Variants in PLCB1 observed in about 807,000 individuals in gnomAD.
PLCB1 encodes phospholipase C beta 1.
PLCB1 carries 46 observed loss-of-function variants against 161.8 expected under a neutral mutation model. The ratio of observed to expected loss-of-function variants is 0.28; its 90% CI spans 0.22 to 0.36. PLCB1 has a LOEUF of 0.36. PLCB1 is among the 10% of genes least tolerant of loss of function. The pLI is 1.00. For synonymous variants in PLCB1, 517 were observed against 503.7 expected, an observed-to-expected ratio of 1.03 and a Z score of -0.35; for missense variants, 1,016 against 1,472.5, an observed-to-expected ratio of 0.69 and a Z score of 5.07.
chr20:8,193,265 TC>T (rs1306746304), intron 2 of PLCB1, among the ~76,000 whole-genome samples: 2 of 152,016 alleles, frequency 1.3e-5, no homozygotes, highest in Admixed American at 1.3e-4. Context: ...AAGTCCAGCT[TC>T]TGTAATGTAT....
chr20:8,682,107 G>A (rs941421564), intron 9 of PLCB1, among the ~76,000 whole-genome samples: 1 of 152,142 alleles, frequency 6.6e-6, no homozygotes, highest in Non-Finnish European at 1.5e-5. Flanking sequence ...TCGTATGGTA[G>A]ATGTTCAATA....
At chr20:8,290,044 TA>T (rs1983314410) in intron 2 of PLCB1, among the ~76,000 whole-genome samples, 1 of 152,240 alleles carries the variant, frequency 6.6e-6, no homozygotes, top group South Asian at 2.1e-4. Context: ...TCCTTGGGTC[TA>T]ATTAATTTTT....
At chr20:8,444,879 T>C (rs1460053958) in intron 3 of PLCB1, among the ~76,000 whole-genome samples, 1 of 152,074 alleles carries the variant, frequency 6.6e-6, no homozygotes, top group East Asian at 1.9e-4. Context: ...ATCCTTTGCC[T>C]ACTTTTTGAT....
intron 1 of PLCB1, among the ~76,000 whole-genome samples, chr20:8,146,858 TA>T (rs1475540359): frequency 6.6e-6 from 1 of 152,218 alleles, no homozygotes; most frequent in Non-Finnish European, 1.5e-5. Flanking sequence ...TTATATCAAA[TA>T]AAGAGCAGCA....
chr20:8,291,551 G>A (rs1037038792), intron 2 of PLCB1, among the ~76,000 whole-genome samples: 2 of 152,150 alleles, frequency 1.3e-5, no homozygotes, highest in African/African-American at 4.8e-5. Context: ...CAGACAACGA[G>A]GATGATTTCA....
chr20:8,863,215 G>T lies in PLCB1; in HGVS notation c.3424-18407G>T, dbSNP rs1323005113. On this transcript the variant is annotated intron_variant, in intron 31 of 31. Coordinates refer to ENST00000338037, the MANE Select transcript of PLCB1 (RefSeq NM_015192.4). Reference sequence around the variant, plus strand: ...CAATCATTAGCTTCAAATTGGATGAGAAGTTCGCCAAGATTATAATGCTAG... The same window carrying T: ...CAATCATTAGCTTCAAATTGGATGATAAGTTCGCCAAGATTATAATGCTAG... Among the ~76,000 whole-genome samples, 3 of 152,164 alleles carry T rather than the reference G, an allele frequency of 2.0e-5. No individual in the cohort carries two copies. In the South Asian group the frequency reaches 6.2e-4, roughly 32 times the overall value.
intron 3 of PLCB1, among the ~76,000 whole-genome samples, chr20:8,454,398 A>C (rs1274548380): frequency 6.6e-6 from 1 of 152,190 alleles, no homozygotes; most frequent in East Asian, 1.9e-4. Context: ...TGTGTTTTTA[A>C]AAGATCAAAC....
intron 31 of PLCB1, among the ~76,000 whole-genome samples, chr20:8,801,552 A>G (rs898147784): frequency 6.6e-6 from 1 of 152,306 alleles, no homozygotes; most frequent in South Asian, 2.1e-4. Context: ...ATCGCCTGCC[A>G]TATAGCTGGT....
chr20:8,362,235 A>G (rs759553881), intron 2 of PLCB1, among the ~76,000 whole-genome samples: 1 of 152,192 alleles, frequency 6.6e-6, no homozygotes, highest in Admixed American at 6.5e-5. Context: ...ATATATATAG[A>G]TTATCCATGG....
At chr20:8,471,231 C>T (rs1454705031) in intron 3 of PLCB1, among the ~76,000 whole-genome samples, 2 of 152,046 alleles carry the variant, frequency 1.3e-5, no homozygotes, top group Non-Finnish European at 1.5e-5. Context: ...GCTCAATAAA[C>T]GGGATGGAGT....
intron 2 of PLCB1, among the ~76,000 whole-genome samples, chr20:8,278,228 GT>G (rs1189369939): frequency 3.6e-5 from 3 of 83,438 alleles, no homozygotes; most frequent in African/African-American, 1.6e-4. Context: ...GTATGATACT[GT>G]TTTTTTGTGT....
chr20:8,716,382 G>A, intron 13 of PLCB1, 34 bp downstream of exon 13: 1 of 1,450,698 alleles, frequency 6.9e-7, no homozygotes, highest in Non-Finnish European at 9.7e-7. Flanking sequence ...TTGAAGGAAT[G>A]TATGCATTAT....
chr20:8,271,790 C>T (rs1421896374), intron 2 of PLCB1, among the ~76,000 whole-genome samples: 2 of 152,064 alleles, frequency 1.3e-5, no homozygotes, highest in East Asian at 3.8e-4. Context: ...TGGGCTGAAG[C>T]ATCCTACAAT....
At chr20:8,770,037 C>G (rs1982588963) in intron 26 of PLCB1, among the ~76,000 whole-genome samples, 1 of 152,024 alleles carries the variant, frequency 6.6e-6, no homozygotes, top group African/African-American at 2.4e-5. Flanking sequence ...ACTGCAAGCT[C>G]CGCCTCCCGG....
chr20:8,181,187 T>C lies in PLCB1; in HGVS notation c.177+30816T>C, dbSNP rs894562157. 4.1e-5 allele frequency among the ~76,000 whole-genome samples: 6 copies of C among 145,974 alleles called. No individual in the cohort carries two copies. The Admixed American group carries it at 4.3e-4, about 10-fold the overall frequency. On this transcript the variant is annotated intron_variant, in intron 2 of 31. Coordinates refer to ENST00000338037, the MANE Select transcript of PLCB1 (RefSeq NM_015192.4). ...TTGCTTGACCCTGGGAGGCGGAGGT[T>C]GCAGTGAGCCGAGATCATGCCACTG...
chr20:8,169,344 C>G (rs547148929), intron 2 of PLCB1, among the ~76,000 whole-genome samples: 2 of 152,256 alleles, frequency 1.3e-5, no homozygotes, highest in Admixed American at 1.3e-4. Flanking sequence ...CTGAGGAAGA[C>G]ATTTAACTCA....
At chr20:8,774,353 T>C (rs1386402889) in intron 26 of PLCB1, among the ~76,000 whole-genome samples, 186 bp from the exon 27 acceptor site, 1 of 152,230 alleles carries the variant, frequency 6.6e-6, no homozygotes, top group Admixed American at 6.5e-5. Flanking sequence ...TTCCATTCAG[T>C]CTCTGGGATT....
chr20:8,289,358 AG>A (rs1158783611), intron 2 of PLCB1, among the ~76,000 whole-genome samples: 2 of 152,168 alleles, frequency 1.3e-5, no homozygotes, highest in Admixed American at 6.6e-5. Flanking sequence ...GGGTCTGATG[AG>A]GGACCTGAGG....
chr20:8,182,779 C>T (rs956047501), intron 2 of PLCB1, among the ~76,000 whole-genome samples: 2 of 151,858 alleles, frequency 1.3e-5, no homozygotes, highest in Non-Finnish European at 2.9e-5. Context: ...CAGTGTTTCA[C>T]CATGTTGGCC....
Sources: gnomAD v4.1 joint callset for allele counts (sites outside exome capture counted in the v4.1 genomes callset) on GRCh38, gnomAD v4.1.1 for gene constraint, MANE v1.5 for transcripts, NCBI Gene and HGNC (gene_info 2026-07-23, HGNC 2026-07-21) for gene names.